The following GATA6 variants were observed in gnomAD, a reference collection of about 807,000 sequenced individuals.
The protein encoded by GATA6 is transcription factor GATA-6.
A neutral mutation model predicts 48.1 loss-of-function variants in GATA6; 11 were observed. The ratio of observed to expected loss-of-function variants is 0.23; its 90% CI spans 0.14 to 0.38. The LOEUF (loss-of-function observed/expected upper bound fraction) is 0.38, where lower values mean the gene tolerates loss of function less well. Ranked by LOEUF, GATA6 falls within the 10% of genes least tolerant of loss-of-function variation. The pLI is 1.00. For missense variants in GATA6, 795 were observed against 850.3 expected, an observed-to-expected ratio of 0.93 and a Z score of 0.81; for synonymous variants, 419 against 396.1, an observed-to-expected ratio of 1.06 and a Z score of -0.69.
At chr18:22,186,984 T>G (rs1462550496) in intron 6 of GATA6, among the ~76,000 whole-genome samples, 1 of 152,250 alleles carries the variant, frequency 6.6e-6, no homozygotes, top group Non-Finnish European at 1.5e-5. Context: ...TCAGGAGGAC[T>G]CACGGTCATA....
rs2033129355 is a variant in GATA6, at chr18:22,176,999, G to C, written c.1180G>C (p.Gly394Arg). The change falls in exon 3 of 7, where the codon GGC becomes CGC. Residue 394 changes from glycine (G) to arginine (R), a missense_variant. By Grantham distance (125) the Gly-to-Arg change is moderately radical. Transcript: ENST00000269216. ...CGAGAGCCGCGAGTGCGTGAACTGC[G>C]GCTCCATCCAGACGCCGCTGTGGCG... ...LSESRECVNC[G>R]SIQTPLWRRD... 1 of 1,574,784 alleles carries C rather than the reference G, an allele frequency of 6.4e-7. No individual in the cohort carries two copies.
At position 22,171,078 on chromosome 18, in the gene GATA6, A is replaced by G; in HGVS notation, c.-37-30A>G. The G allele has an allele frequency of 1.4e-6, 2 of 1,412,222 alleles. No homozygotes were observed. Among genetic ancestry groups the G allele is most frequent in the Non-Finnish European group, 2.0e-6 (2 of 1,017,224 alleles). The allele number at this position is 1,412,222 out of a possible 1,614,324, so 87.5% of individuals were successfully genotyped here. On this transcript the variant is annotated intron_variant, in intron 1 of 6. Coordinates refer to ENST00000269216, the MANE Select transcript of GATA6 (RefSeq NM_005257.6). This position sits in a 1 kb window ranked among gnomAD's most constrained non-coding sequence, Gnocchi z 7.1. Reference sequence around the variant, plus strand: ...GCTCTTGTTAACCCGTCGATCTCCTACCATACCCGTCTCCCCCACCCCACC... The same window carrying G: ...GCTCTTGTTAACCCGTCGATCTCCTGCCATACCCGTCTCCCCCACCCCACC...
intron 6 of GATA6, among the ~76,000 whole-genome samples, chr18:22,197,052 C>G (rs1377196080): frequency 1.3e-5 from 2 of 149,714 alleles, no homozygotes; most frequent in Non-Finnish European, 1.5e-5. Context: ...GACACTGTTA[C>G]AAGGGCTTTA....
chr18:22,197,316 T>C (rs1256395335), intron 6 of GATA6, among the ~76,000 whole-genome samples: 2 of 152,154 alleles, frequency 1.3e-5, no homozygotes, highest in Admixed American at 6.5e-5. Context: ...CTCTCTAAAG[T>C]GCAGGGATTG....
In GATA6 at chr18:22,200,667, G is replaced by A; in HGVS notation, c.1632G>A (p.Pro544=). Residue 544 remains proline (P), a synonymous_variant, in exon 7 of 7, where the codon CCG becomes CCA. Coordinates refer to ENST00000269216, the MANE Select transcript of GATA6 (RefSeq NM_005257.6). The stretch of plus-strand genomic sequence containing the variant: ...CCCTCTTCTGCCAGGCGGGTGCCCC[G>A]GTGATGACTGGTGCGGGAGAGAGCA... The part of the protein sequence containing the change: ...TQPTASGAGA[P]VMTGAGESTN... 1.4e-5 allele frequency: 22 copies of A among 1,614,246 alleles called. No individual in the cohort carries two copies. Among genetic ancestry groups the A allele is most frequent in the Non-Finnish European group, 1.9e-5 (22 of 1,180,044 alleles).
chr18:22,175,741 G>C (rs915237973), intron 2 of GATA6: 1 of 152,192 alleles, frequency 6.6e-6, no homozygotes, highest in African/African-American at 2.4e-5. Flanking sequence ...GTTGATAGTA[G>C]ACACAAGCAA....
chr18:22,191,219 TAA>T (rs2033325266), intron 6 of GATA6, among the ~76,000 whole-genome samples: 1 of 152,162 alleles, frequency 6.6e-6, no homozygotes, highest in African/African-American at 2.4e-5. Context: ...GTTTATTTAA[TAA>T]GTGACTCATT....
At chr18:22,184,579 C>T (rs1026408686) in intron 6 of GATA6, among the ~76,000 whole-genome samples, 1 of 152,012 alleles carries the variant, frequency 6.6e-6, no homozygotes, top group East Asian at 1.9e-4. Flanking sequence ...ACTGCAACCT[C>T]CACTTCCCGG....
chr18:22,191,979 G>C (rs1483434617), intron 6 of GATA6, among the ~76,000 whole-genome samples: 1 of 152,222 alleles, frequency 6.6e-6, no homozygotes, highest in Non-Finnish European at 1.5e-5. Context: ...CCAGAGCTGG[G>C]CCACATGCTG....
intron 6 of GATA6, among the ~76,000 whole-genome samples, chr18:22,198,074 C>CTTT (rs67205814): frequency 7.9e-6 from 1 of 126,314 alleles, no homozygotes; most frequent in Non-Finnish European, 1.6e-5. Flanking sequence ...CTCTTTCTTT[C>CTTT]TTTTTTTTTT....
intron 6 of GATA6, among the ~76,000 whole-genome samples, chr18:22,199,107 C>G (rs1019581362): frequency 2.6e-5 from 4 of 152,128 alleles, no homozygotes; most frequent in Non-Finnish European, 4.4e-5. Flanking sequence ...AGTCCTGCCT[C>G]CCAGCCTCAT....
chr18:22,196,783 CT>C (rs1398979253), intron 6 of GATA6, among the ~76,000 whole-genome samples: 1 of 152,026 alleles, frequency 6.6e-6, no homozygotes, highest in East Asian at 1.9e-4. Flanking sequence ...AGTCATGAGA[CT>C]TTTGAATGGC....
At chr18:22,184,100 G>A (rs575542434) in intron 6 of GATA6, among the ~76,000 whole-genome samples, 1 of 152,320 alleles carries the variant, frequency 6.6e-6, no homozygotes, top group Admixed American at 6.5e-5. Flanking sequence ...AGTGCCCCAG[G>A]TGAAATTGGA....
chr18:22,177,237 G>A, intron 3 of GATA6, 116 bp downstream of exon 3: 1 of 958,404 alleles, frequency 1.0e-6, no homozygotes, highest in Non-Finnish European at 1.5e-6. Context: ...GACAGGTGCG[G>A]CCGCTGCGGT....
intron 2 of GATA6, 106 bp from the exon 3 acceptor site, chr18:22,176,849 C>A: frequency 7.6e-7 from 1 of 1,319,390 alleles, no homozygotes; most frequent in Non-Finnish European, 1.0e-6. Flanking sequence ...AGGGCACGGG[C>A]AGGGAAGCCG....
chr18:22,180,697 A>C (rs1182944247), intron 3 of GATA6, among the ~76,000 whole-genome samples: 2 of 151,656 alleles, frequency 1.3e-5, no homozygotes, highest in South Asian at 2.1e-4. Flanking sequence ...TTTAAAAAAA[A>C]CTTTTACCCC....
At chr18:22,187,711 G>A (rs1350810563) in intron 6 of GATA6, among the ~76,000 whole-genome samples, 1 of 151,960 alleles carries the variant, frequency 6.6e-6, no homozygotes, top group Non-Finnish European at 1.5e-5. Context: ...CTCAAAATTT[G>A]TAAAACTGGA....
chr18:22,181,620 C>G (rs772760319), intron 4 of GATA6, 42 bp downstream of exon 4: 1 of 1,610,874 alleles, frequency 6.2e-7, no homozygotes, highest in South Asian at 1.1e-5. Flanking sequence ...CATTTAGTAT[C>G]TGGTTTGTAT....
intron 2 of GATA6, among the ~76,000 whole-genome samples, chr18:22,174,158 G>A (rs555512029): frequency 1.3e-5 from 2 of 152,352 alleles, no homozygotes; most frequent in African/African-American, 2.4e-5. Context: ...TGGGTGTGAA[G>A]CTTATTTTGT....
Sources: allele counts gnomAD v4.1 joint callset (sites outside exome capture counted in the v4.1 genomes callset), GRCh38; gene constraint gnomAD v4.1.1; non-coding constraint Gnocchi (gnomAD v3.1); transcripts MANE v1.5; gene names NCBI Gene and HGNC (gene_info 2026-07-23, HGNC 2026-07-21).